Variants in ASIC5 observed in about 807,000 individuals in gnomAD.
ASIC5 encodes the protein acid sensing ion channel subunit family member 5.
ASIC5 carries 52 observed loss-of-function variants against 51.2 expected under a neutral mutation model. The ratio of observed to expected loss-of-function variants is 1.02; its 90% CI spans 0.81 to 1.28. ASIC5 has a LOEUF of 1.28. ASIC5 is among the 50% of genes most tolerant of loss of function. ASIC5 has a pLI of 0.00. For missense variants in ASIC5, 635 were observed against 595.0 expected (o/e 1.07, Z -0.70); for synonymous variants, 231 against 200.7 (o/e 1.15, Z -1.28).
In ASIC5 at chr4:155,836,778, G is replaced by A. The variant is rs199654777; in HGVS notation, c.1146C>T (p.Tyr382=). 13 of 1,606,218 alleles carry A rather than the reference G, an allele frequency of 8.1e-6. 1 individual carries two copies. Among genetic ancestry groups the A allele is most frequent in the Middle Eastern group, 3.3e-4 (2 of 6,036 alleles). ...AAGAGGAATAAGAAATAGTGGCCGG[G>A]TATTCTATTTCTTCACAAGAAACGG... is the stretch of plus-strand genomic sequence containing the variant. The part of the protein sequence containing the change: ...SCPVSCEEIE[Y]PATISYSSFP... The change falls in exon 8 of 10, where the codon TAC becomes TAT. Residue 382 remains tyrosine (Y), a synonymous_variant. Coordinates refer to ENST00000537611, the MANE Select transcript of ASIC5 (RefSeq NM_017419.3).
At chr4:155,862,376 T>G (rs1258784390) in intron 2 of ASIC5, among the ~76,000 whole-genome samples, 1 of 152,114 alleles carries the variant, frequency 6.6e-6, no homozygotes, top group African/African-American at 2.4e-5. Context: ...TTACCTTATC[T>G]AATGTAACAA....
At position 155,863,613 on chromosome 4, in the gene ASIC5, C is replaced by A. The variant is rs144591256; in HGVS notation, c.182G>T (p.Arg61Leu). ...HNIVQNRSKI[R>L]RVLWLVVVLG... ...AACCACCACCAACCAGAGCACCCTGCGAATTTTGCTCCGGTTCTGAACAAT... is the reference window on the plus strand; with the variant it reads ...AACCACCACCAACCAGAGCACCCTGAGAATTTTGCTCCGGTTCTGAACAAT... Residue 61 changes from arginine to leucine, a missense_variant, in exon 2 of 10, where the codon CGC (arginine) becomes CTC (leucine). Coordinates refer to ENST00000537611, the MANE Select transcript of ASIC5 (RefSeq NM_017419.3). 3.1e-6 allele frequency: 5 copies of A among 1,613,614 alleles called. No homozygotes were observed. Among genetic ancestry groups the A allele is most frequent in the Non-Finnish European group, 3.4e-6 (4 of 1,179,908 alleles).
intron 1 of ASIC5, among the ~76,000 whole-genome samples, chr4:155,865,632 G>C (rs1437299678): frequency 6.6e-6 from 1 of 151,976 alleles, no homozygotes; most frequent in African/African-American, 2.4e-5. Context: ...CTTGACAATT[G>C]GTTTGGCCTT....
chr4:155,841,226 T>C (rs1245263055), intron 6 of ASIC5, among the ~76,000 whole-genome samples: 9 of 152,150 alleles, frequency 5.9e-5, no homozygotes, highest in Admixed American at 5.9e-4. Context: ...GCAGTTACAA[T>C]ATTTTGGCAG....
In ASIC5 at chr4:155,835,378, G is replaced by T. The variant is rs1391603911; in HGVS notation, c.1235+1311C>A. The stretch of plus-strand genomic sequence containing the variant: ...TGCACATTTTGCAAGGGGAATCAGA[G>T]AATTCTCCCGTTTCAAGAATAATCT... On this transcript the variant is annotated intron_variant, in intron 8 of 9. Transcript: ENST00000537611. 3.6e-5 allele frequency among the ~76,000 whole-genome samples: 5 copies of T among 140,282 alleles called. No individual in the cohort carries two copies. In the Admixed American group the frequency reaches 3.7e-4, roughly 10 times the overall value. The allele number at this position is 140,282 out of a possible 152,430, so 92.0% of individuals were successfully genotyped here.
chr4:155,859,037 G>A lies in ASIC5; in HGVS notation c.347+4411C>T, dbSNP rs1393161689. 3.3e-5 allele frequency: 5 copies of A among 152,056 alleles called. No individual in the cohort carries two copies. In the East Asian group the frequency reaches 9.7e-4, roughly 30 times the overall value. 9.4% of individuals were successfully genotyped at this position (152,056 alleles called of 1,614,324 possible). ...TTGGGGCCCGCAGGAGATTTTCTGT[G>A]AGAAAATTGTAAGAGAGGGCCCCTG... On this transcript the variant is annotated intron_variant, in intron 2 of 9. Transcript: ENST00000537611.
intron 4 of ASIC5, among the ~76,000 whole-genome samples, chr4:155,844,501 C>T (rs925862118): frequency 6.6e-6 from 1 of 152,042 alleles, no homozygotes; most frequent in Admixed American, 6.6e-5. Context: ...TTAGCATTAA[C>T]AACCAGCTGA....
rs779315306 is a variant in ASIC5, at chr4:155,852,358, A to G, written c.586-42T>C. The G allele has an allele frequency of 2.6e-6, 4 of 1,562,366 alleles. No individual in the cohort carries two copies. In the Admixed American group the frequency reaches 8.9e-5, roughly 35 times the overall value. On this transcript the variant is annotated intron_variant, in intron 3 of 9. Transcript: ENST00000537611. The stretch of plus-strand genomic sequence containing the variant: ...AACCAAAAAAAACCATCAATTTGAT[A>G]TTTTTGTCACTTCTCAAGTTTGCCA...
At chr4:155,858,908 G>C (rs1015247757) in intron 2 of ASIC5, 1 of 152,002 alleles carries the variant, frequency 6.6e-6, no homozygotes, top group African/African-American at 2.4e-5. Context: ...GGTGAGTAGA[G>C]GGATGACTTC....
intron 1 of ASIC5, 80 bp from the exon 2 acceptor site, chr4:155,863,834 TC>T: frequency 8.7e-7 from 1 of 1,153,964 alleles, no homozygotes; most frequent in Non-Finnish European, 1.2e-6. Flanking sequence ...AAAACACAAC[TC>T]ACATAATTTA....
intron 4 of ASIC5, among the ~76,000 whole-genome samples, chr4:155,845,637 G>C (rs1262693504): frequency 6.6e-6 from 1 of 151,942 alleles, no homozygotes; most frequent in Non-Finnish European, 1.5e-5. Context: ...GCTCTGCCCA[G>C]AGCTTAGAGA....
intron 7 of ASIC5, among the ~76,000 whole-genome samples, chr4:155,837,882 A>C (rs1477006252): frequency 6.6e-6 from 1 of 151,926 alleles, no homozygotes; most frequent in East Asian, 1.9e-4. Context: ...TCCTTATCCC[A>C]CAACAGTCCC....
At chr4:155,842,380 C>A in intron 5 of ASIC5, 26 bp from the exon 6 acceptor site, 1 of 1,574,708 alleles carries the variant, frequency 6.4e-7, no homozygotes, top group Admixed American at 1.7e-5. Flanking sequence ...ATACTGGGTT[C>A]AGGAGATGTG....
chr4:155,863,438 T>C lies in ASIC5; in HGVS notation c.347+10A>G. On this transcript the variant is annotated intron_variant, in intron 2 of 9. Transcript: ENST00000537611. Reference sequence around the variant, plus strand: ...TAGGAACTAATTATTTTTAAAAAAGTAATTTTTACCTGTTCAAATTACAAA... The same window carrying C: ...TAGGAACTAATTATTTTTAAAAAAGCAATTTTTACCTGTTCAAATTACAAA... 1 of 1,593,156 alleles carries C rather than the reference T, an allele frequency of 6.3e-7. No individual in the cohort carries two copies. Among genetic ancestry groups the C allele is most frequent in the South Asian group, 1.1e-5 (1 of 88,860 alleles).
chr4:155,846,964 G>C (rs28803601), intron 4 of ASIC5, among the ~76,000 whole-genome samples: 9,556 of 152,070 alleles, frequency 0.063, 412 homozygotes, highest in South Asian at 0.13. Flanking sequence ...CAAACAAAAA[G>C]AGATGTAAAG....
chr4:155,861,630 T>G (rs1419419788), intron 2 of ASIC5, among the ~76,000 whole-genome samples: 2 of 152,054 alleles, frequency 1.3e-5, no homozygotes, highest in African/African-American at 4.8e-5. Flanking sequence ...CTGATAACCT[T>G]TGCCTTTCAA....
intron 7 of ASIC5, among the ~76,000 whole-genome samples, chr4:155,837,143 A>G (rs1053418722): frequency 6.5e-5 from 1 of 15,342 alleles, no homozygotes. Flanking sequence ...TCTGTAAAAT[A>G]TCAGATATTT....
chr4:155,849,687 C>T (rs1560747426), intron 4 of ASIC5, among the ~76,000 whole-genome samples: 1 of 151,966 alleles, frequency 6.6e-6, no homozygotes, highest in African/African-American at 2.4e-5. Context: ...TGGCTACAAG[C>T]CTTCAAAATA....
At chr4:155,831,477 T>A (rs2111221284) in intron 9 of ASIC5, among the ~76,000 whole-genome samples, 1 of 152,170 alleles carries the variant, frequency 6.6e-6, no homozygotes, top group East Asian at 1.9e-4. Flanking sequence ...TTTTTAAATA[T>A]AAGGAGCAAT....
Sources: gnomAD v4.1 joint callset for allele counts (sites outside exome capture counted in the v4.1 genomes callset) on GRCh38, gnomAD v4.1.1 for gene constraint, MANE v1.5 for transcripts, NCBI Gene and HGNC (gene_info 2026-07-23, HGNC 2026-07-21) for gene names.